STK32C: variants seen among roughly 807,000 people sequenced by gnomAD.
STK32C encodes the protein serine/threonine kinase 32C, also known as serine/threonine-protein kinase 32C.
Under a neutral mutation model 56.5 loss-of-function variants are expected in STK32C, and 31 were observed. The ratio of observed to expected loss-of-function variants is 0.55; its 90% CI spans 0.41 to 0.74. STK32C has a LOEUF of 0.74. Ranked by LOEUF, STK32C falls within the 30% of genes least tolerant of loss-of-function variation. The probability of loss-of-function intolerance (pLI) is 0.00; values close to 1 mark genes in which losing one functional copy is unlikely to be tolerated. For synonymous variants in STK32C, 309 were observed against 289.4 expected (o/e 1.07, Z -0.69); for missense variants, 544 against 676.9 (o/e 0.80, Z 2.18).
At chr10:132,296,277 C>A (rs1227672134) in intron 1 of STK32C, among the ~76,000 whole-genome samples, 1 of 151,774 alleles carries the variant, frequency 6.6e-6, no homozygotes, top group Non-Finnish European at 1.5e-5. Flanking sequence ...TAGACTAAGG[C>A]GCCAGGAGAC....
chr10:132,263,140 C>T (rs923658532), intron 1 of STK32C, among the ~76,000 whole-genome samples: 2 of 152,212 alleles, frequency 1.3e-5, no homozygotes, highest in African/African-American at 4.8e-5. Flanking sequence ...CACGCGCATT[C>T]GTGTGTTCAT....
intron 1 of STK32C, among the ~76,000 whole-genome samples, chr10:132,277,200 C>T (rs2065019068): frequency 6.6e-6 from 1 of 152,154 alleles, no homozygotes; most frequent in African/African-American, 2.4e-5. Flanking sequence ...CGTGTCTTGG[C>T]CAGGACCATC....
intron 1 of STK32C, among the ~76,000 whole-genome samples, chr10:132,327,740 G>A (rs529482928): frequency 6.6e-6 from 1 of 152,268 alleles, no homozygotes; most frequent in South Asian, 2.1e-4. Flanking sequence ...GCCTCCCAAA[G>A]CGCTGGGATT....
intron 1 of STK32C, among the ~76,000 whole-genome samples, chr10:132,306,474 G>A: frequency 6.6e-6 from 1 of 152,256 alleles, no homozygotes; most frequent in South Asian, 2.1e-4. Flanking sequence ...CCTCCTTCTA[G>A]GCAGCACACC....
At chr10:132,244,209 G>A (rs1319970423) in intron 2 of STK32C, among the ~76,000 whole-genome samples, 1 of 152,174 alleles carries the variant, frequency 6.6e-6, no homozygotes, top group Non-Finnish European at 1.5e-5. Context: ...TGATGAGGAG[G>A]CCTAACTGTG....
chr10:132,281,268 C>T (rs570267688), intron 1 of STK32C, among the ~76,000 whole-genome samples: 83 of 151,502 alleles, frequency 5.5e-4, no homozygotes, highest in African/African-American at 2.0e-3. Flanking sequence ...TAGACTATGT[C>T]CGTGTTTGAA....
chr10:132,212,957 G>A (rs1468659366), intron 10 of STK32C, among the ~76,000 whole-genome samples: 1 of 152,206 alleles, frequency 6.6e-6, no homozygotes, highest in Non-Finnish European at 1.5e-5. Context: ...AACACCTCCT[G>A]GGCAGCTCTG....
rs867150322 is a variant in STK32C, at chr10:132,286,019, G to A, written c.262+21553C>T. On this transcript the variant is annotated intron_variant, in intron 1 of 11. Coordinates refer to ENST00000298630, the MANE Select transcript of STK32C (RefSeq NM_173575.4). ...CGGGCGCCTGTCATCCCAGCTACTC[G>A]GGAGGCTGAGGCAGGAGAATGGCGT... 7.2e-5 allele frequency among the ~76,000 whole-genome samples: 11 copies of A among 151,984 alleles called. No individual in the cohort carries two copies. The Middle Eastern group carries it at 9.5e-3, about 131-fold the overall frequency.
In STK32C at chr10:132,275,411, C is replaced by T. The variant is rs895090825; in HGVS notation, c.263-29456G>A. 2.0e-5 allele frequency among the ~76,000 whole-genome samples: 3 copies of T among 152,322 alleles called. No individual in the cohort carries two copies. The East Asian group carries it at 5.8e-4, about 29-fold the overall frequency. ...TGCCCCACCTGCCCTTGGAGGCAGC[C>T]ATCCTGGCCTTGGAAACATCTAGAT... On this transcript the variant is annotated intron_variant, in intron 1 of 11. Coordinates refer to ENST00000298630, the MANE Select transcript of STK32C (RefSeq NM_173575.4).
chr10:132,211,750 G>A (rs1188281765), intron 10 of STK32C, among the ~76,000 whole-genome samples: 1 of 152,206 alleles, frequency 6.6e-6, no homozygotes, highest in Non-Finnish European at 1.5e-5. Flanking sequence ...ACTGGTGTGG[G>A]TGTTTGAGAG....
intron 10 of STK32C, among the ~76,000 whole-genome samples, chr10:132,211,274 G>A (rs1262146813): frequency 1.3e-5 from 2 of 152,188 alleles, no homozygotes; most frequent in Non-Finnish European, 2.9e-5. Context: ...TCAGGAATGA[G>A]GGTCCGACTG....
Position 132,236,238 on chromosome 10 carries a change from G to A in STK32C, c.319-8110C>T, listed in dbSNP as rs565543279. Among the ~76,000 whole-genome samples the A allele has an allele frequency of 4.6e-5, 7 of 152,372 alleles. No homozygotes were observed. In the East Asian group the frequency reaches 7.7e-4, roughly 17 times the overall value. On this transcript the variant is annotated intron_variant, in intron 2 of 11. Coordinates refer to ENST00000298630, the MANE Select transcript of STK32C (RefSeq NM_173575.4). ...AGAGCCTGCGCACGGCCTGGTCAGC[G>A]AAGGGACGTGGTCAATGCTGGGACC...
At chr10:132,331,583 C>T in exon 1 of STK32C, 1 of 1,612,934 alleles carries the variant, frequency 6.2e-7, no homozygotes, top group East Asian at 2.2e-5. Context: ...CCAGGAAGCC[C>T]CAGGAGAGAC....
At chr10:132,306,375 AC>A (rs2066060791) in intron 1 of STK32C, among the ~76,000 whole-genome samples, 1 of 152,212 alleles carries the variant, frequency 6.6e-6, no homozygotes, top group African/African-American at 2.4e-5. Flanking sequence ...TCAAACATTC[AC>A]CATCGTGAGT....
intron 1 of STK32C, among the ~76,000 whole-genome samples, chr10:132,263,761 G>A (rs1174054131): frequency 1.3e-5 from 2 of 151,170 alleles, no homozygotes; most frequent in Non-Finnish European, 2.9e-5. Context: ...AGCTACTCGG[G>A]AGGCTGAGGC....
chr10:132,282,671 C>G (rs759140781), intron 1 of STK32C, among the ~76,000 whole-genome samples: 3 of 152,228 alleles, frequency 2.0e-5, no homozygotes. Flanking sequence ...ATAACAACGA[C>G]GACGAAGTCA....
intron 1 of STK32C, among the ~76,000 whole-genome samples, chr10:132,264,204 C>T (rs756234329): frequency 5.9e-5 from 9 of 152,194 alleles, no homozygotes; most frequent in Non-Finnish European, 1.3e-4. Flanking sequence ...CTAAACACCA[C>T]GGAACTCTTC....
intron 1 of STK32C, among the ~76,000 whole-genome samples, chr10:132,254,332 A>C (rs577023685): frequency 1.3e-5 from 2 of 152,350 alleles, no homozygotes; most frequent in South Asian, 2.1e-4. Flanking sequence ...CAACAAAAAA[A>C]AATAGCCTTT....
In STK32C at chr10:132,331,611, C is replaced by A. The variant is rs766912647; in HGVS notation, c.126G>T (p.Pro42=). The A allele has an allele frequency of 2.1e-4, 331 of 1,612,888 alleles. No individual in the cohort carries two copies. In the Middle Eastern group the frequency reaches 2.3e-3, roughly 11 times the overall value. Residue 42 remains proline (P), a synonymous_variant, in exon 1 of 2, where the codon CCG becomes CCT. Transcript: ENST00000368619. The stretch of plus-strand genomic sequence containing the variant: ...GGAGAGACGCGGGGAGTGAGCCCAG[C>A]GGGAAGGACAGGCAGCGAGGACCGC...
Sources: allele counts gnomAD v4.1 joint callset (sites outside exome capture counted in the v4.1 genomes callset), GRCh38; gene constraint gnomAD v4.1.1; transcripts MANE v1.5; gene names NCBI Gene and HGNC (gene_info 2026-07-23, HGNC 2026-07-21).